Variants in EPB41L3 observed in about 807,000 individuals in gnomAD.
The protein encoded by EPB41L3 is band 4.1-like protein 3.
EPB41L3 carries 57 observed loss-of-function variants against 127.1 expected under a neutral mutation model. The ratio of observed to expected loss-of-function variants is 0.45; its 90% CI spans 0.36 to 0.56. The LOEUF (loss-of-function observed/expected upper bound fraction) is 0.56. Among genes scored for constraint, EPB41L3 ranks in the 20% least tolerant of loss-of-function variants. The pLI is 0.00. For synonymous variants in EPB41L3, 572 were observed against 549.5 expected (o/e 1.04, Z -0.57); for missense variants, 1,273 against 1,372.2 (o/e 0.93, Z 1.14).
intron 13 of EPB41L3, among the ~76,000 whole-genome samples, chr18:5,415,495 CA>C (rs1278387521): frequency 6.6e-6 from 1 of 152,214 alleles, no homozygotes; most frequent in Non-Finnish European, 1.5e-5. Context: ...CATAACTGAT[CA>C]GAACCTTTAG....
intron 1 of EPB41L3, among the ~76,000 whole-genome samples, chr18:5,623,706 G>T (rs11659725): frequency 6.6e-6 from 1 of 151,094 alleles, no homozygotes; most frequent in Non-Finnish European, 1.5e-5. Context: ...GGACTGCAGT[G>T]GTGCAATCTT....
chr18:5,403,900 A>C (rs1344427345), intron 16 of EPB41L3, among the ~76,000 whole-genome samples: 24 of 152,224 alleles, frequency 1.6e-4, no homozygotes, highest in Admixed American at 1.6e-3. Flanking sequence ...TATGTTTTCT[A>C]TGTGCATAAC....
At chr18:5,438,191 C>T (rs1568177235) in intron 5 of EPB41L3, 81 bp from the exon 6 acceptor site, 6 of 1,287,942 alleles carry the variant, frequency 4.7e-6, no homozygotes, top group Non-Finnish European at 6.5e-6. Context: ...GCCTTAACTC[C>T]AAGCATTAAC....
chr18:5,624,471 T>C (rs896782202), intron 1 of EPB41L3, among the ~76,000 whole-genome samples: 5 of 152,342 alleles, frequency 3.3e-5, no homozygotes, highest in African/African-American at 1.2e-4. Flanking sequence ...ATGCCAATTT[T>C]ACAGATTCTT....
chr18:5,508,938 T>G (rs2092375409), intron 1 of EPB41L3, among the ~76,000 whole-genome samples: 1 of 152,130 alleles, frequency 6.6e-6, no homozygotes, highest in South Asian at 2.1e-4. Context: ...TTTAGAGATT[T>G]CTAATCAATG....
chr18:5,424,089 C>T (rs2077832974), intron 10 of EPB41L3, among the ~76,000 whole-genome samples, 173 bp downstream of exon 10: 2 of 151,988 alleles, frequency 1.3e-5, no homozygotes. Context: ...TAGGGAAAAT[C>T]CTTCAAATTT....
intron 3 of EPB41L3, among the ~76,000 whole-genome samples, chr18:5,468,423 C>A (rs549863914): frequency 3.9e-5 from 6 of 152,316 alleles, no homozygotes; most frequent in Non-Finnish European, 5.9e-5. Flanking sequence ...TCCAGGCCTG[C>A]CCATGGCTGC....
At chr18:5,587,620 T>TA (rs1203495107) in intron 3 of EPB41L3, among the ~76,000 whole-genome samples, 1 of 152,160 alleles carries the variant, frequency 6.6e-6, no homozygotes, top group East Asian at 1.9e-4. Context: ...ACTGGTAGCA[T>TA]AGACCACAAA....
At chr18:5,438,194 G>A in intron 5 of EPB41L3, 84 bp from the exon 6 acceptor site, 1 of 1,265,174 alleles carries the variant, frequency 7.9e-7, no homozygotes, top group Non-Finnish European at 1.1e-6. Flanking sequence ...TTAACTCCAA[G>A]CATTAACACC....
intron 22 of EPB41L3, 142 bp from the exon 23 acceptor site, chr18:5,393,620 C>G (rs1308039346): frequency 3.7e-6 from 2 of 547,826 alleles, no homozygotes; most frequent in Non-Finnish European, 6.5e-6. Flanking sequence ...AAGTCACTGC[C>G]AATTACATGC....
At chr18:5,401,058 G>C in intron 16 of EPB41L3, 1 of 1,519,106 alleles carries the variant, frequency 6.6e-7, no homozygotes, top group Non-Finnish European at 8.8e-7. Context: ...TTGAATAAAG[G>C]GGGTTGGGTT....
chr18:5,433,755 C>T, intron 7 of EPB41L3, 148 bp downstream of exon 7: 1 of 950,858 alleles, frequency 1.1e-6, no homozygotes, highest in Non-Finnish European at 1.6e-6. Flanking sequence ...GAGAGCTTGC[C>T]CATCTCAGAA....
At chr18:5,395,372 C>T (rs2073205475) in intron 20 of EPB41L3, among the ~76,000 whole-genome samples, 1 of 152,230 alleles carries the variant, frequency 6.6e-6, no homozygotes, top group South Asian at 2.1e-4. Flanking sequence ...ATGCCAAGCA[C>T]TGGAGTAAGC....
At chr18:5,567,466 T>C (rs1459537739) in intron 3 of EPB41L3, 1 of 152,206 alleles carries the variant, frequency 6.6e-6, no homozygotes, top group East Asian at 1.9e-4. Context: ...ATAAATTAAT[T>C]CAAATTGGAG....
upstream of EPB41L3, among the ~76,000 whole-genome samples, chr18:5,547,028 C>G (rs1398243718): frequency 7.0e-6 from 1 of 143,472 alleles, no homozygotes; most frequent in Non-Finnish European, 1.5e-5. Context: ...TATTAGGGGC[C>G]TATAAAACTA....
intron 3 of EPB41L3, among the ~76,000 whole-genome samples, chr18:5,469,455 CTGTGTGTATGCCTGGCTG>C: frequency 2.7e-5 from 2 of 75,018 alleles, no homozygotes; most frequent in Non-Finnish European, 6.8e-5. Flanking sequence ...GCATGCCTGG[CTGTGTGTATGCCTGGCTG>C]TGTGTAGTGG....
intron 3 of EPB41L3, among the ~76,000 whole-genome samples, chr18:5,592,257 C>T (rs2094492894): frequency 1.3e-5 from 2 of 152,138 alleles, no homozygotes; most frequent in South Asian, 4.1e-4. Context: ...ACCTCCACCT[C>T]GCGGGTTGAG....
At chr18:5,476,481 G>T (rs1228325241) in intron 3 of EPB41L3, among the ~76,000 whole-genome samples, 1 of 152,178 alleles carries the variant, frequency 6.6e-6, no homozygotes, top group African/African-American at 2.4e-5. Flanking sequence ...CTGACAAAAT[G>T]TTCAACAATA....
chr18:5,543,948 T>G lies in EPB41L3; in HGVS notation c.-47A>C. ...CAGGGAGCCCGGGCGCGCCGCGGCG[T>G]GGGGACTAGGCTCGGGCGCGCGTCC... On this transcript the variant is annotated 5_prime_UTR_variant, in exon 1 of 23. Transcript: ENST00000341928. This position sits in a 1 kb window ranked among gnomAD's most constrained non-coding sequence, Gnocchi z 5.2. The G allele has an allele frequency of 5.1e-6, 5 of 985,218 alleles. No individual in the cohort carries two copies. The highest frequency in any genetic ancestry group is 6.0e-6 in the Non-Finnish European group (5 of 829,980). 61.0% of individuals were successfully genotyped at this position (985,218 alleles called of 1,614,324 possible). A position where few individuals can be genotyped will look rare whatever the true frequency, so the allele number is the denominator to read the frequency against.
Sources: allele counts gnomAD v4.1 joint callset (sites outside exome capture counted in the v4.1 genomes callset), GRCh38; gene constraint gnomAD v4.1.1; non-coding constraint Gnocchi (gnomAD v3.1); transcripts MANE v1.5; gene names NCBI Gene and HGNC (gene_info 2026-07-23, HGNC 2026-07-21).